SEMA3A: variants seen among roughly 807,000 people sequenced by gnomAD.
SEMA3A encodes semaphorin-3A.
In SEMA3A, 29 loss-of-function variants were observed where a neutral mutation model predicts 97.9. That is an observed-to-expected ratio of 0.30 (90% CI 0.22 to 0.40). The LOEUF is 0.40. Among genes scored for constraint, SEMA3A ranks in the 10% least tolerant of loss-of-function variants. The pLI, the probability that SEMA3A is intolerant of heterozygous loss-of-function variation, is 1.00. For synonymous variants in SEMA3A, 321 were observed against 323.7 expected (o/e 0.99, Z 0.09); for missense variants, 763 against 951.3 (o/e 0.80, Z 2.60).
At position 84,099,268 on chromosome 7, in the gene SEMA3A, C is replaced by T. The variant is rs1349890155; in HGVS notation, c.453+11202G>A. Among the ~76,000 whole-genome samples, 5 of 61,326 alleles carry T rather than the reference C, an allele frequency of 8.2e-5. 2 individuals are homozygous for T. The highest frequency in any genetic ancestry group is 2.6e-4 in the Non-Finnish European group (5 of 19,244). 40.2% of individuals were successfully genotyped at this position (61,326 alleles called of 152,430 possible). On this transcript the variant is annotated intron_variant, in intron 4 of 16. Transcript: ENST00000265362. ...TGTATTTTTAGTAGAGACGGTGTTT[C>T]ACCGTGTTAGCCAGGATGGTCTCGA...
chr7:83,996,291 A>G (rs1584523459), intron 12 of SEMA3A, among the ~76,000 whole-genome samples: 2 of 147,500 alleles, frequency 1.4e-5, no homozygotes. Context: ...GCTACCATTT[A>G]CTAGTAATCT....
chr7:84,364,494 T>C (rs1286188647), intron 2 of SEMA3A, among the ~76,000 whole-genome samples: 1 of 151,774 alleles, frequency 6.6e-6, no homozygotes, highest in Non-Finnish European at 1.5e-5. Context: ...ATTTAAAAAA[T>C]CATTTGAATT....
intron 4 of SEMA3A, among the ~76,000 whole-genome samples, chr7:84,108,646 C>T (rs1331727545): frequency 6.6e-6 from 1 of 152,158 alleles, no homozygotes; most frequent in Non-Finnish European, 1.5e-5. Flanking sequence ...TGGCTCACGC[C>T]TGTAATCCGA....
chr7:83,976,806 C>T (rs1287171550), intron 15 of SEMA3A, among the ~76,000 whole-genome samples: 1 of 151,924 alleles, frequency 6.6e-6, no homozygotes, highest in Non-Finnish European at 1.5e-5. Flanking sequence ...ATTTCCATTC[C>T]CTACTCATCT....
chr7:84,278,185 C>A (rs555652213), intron 3 of SEMA3A, among the ~76,000 whole-genome samples: 2 of 152,128 alleles, frequency 1.3e-5, no homozygotes, highest in South Asian at 2.1e-4. Flanking sequence ...GGCAGGGGTA[C>A]AATACAGCCA....
At chr7:84,018,618 A>G (rs1260996881) in intron 6 of SEMA3A, among the ~76,000 whole-genome samples, 1 of 152,224 alleles carries the variant, frequency 6.6e-6, no homozygotes, top group Non-Finnish European at 1.5e-5. Flanking sequence ...AAGATATGAC[A>G]TATACTTCAA....
chr7:84,258,190 T>C (rs929525367), intron 3 of SEMA3A, among the ~76,000 whole-genome samples: 1 of 152,152 alleles, frequency 6.6e-6, no homozygotes, highest in African/African-American at 2.4e-5. Context: ...TGACTTAGGG[T>C]GTTTCTTTTT....
chr7:84,012,611 T>C (rs1790927294), intron 7 of SEMA3A, among the ~76,000 whole-genome samples: 1 of 152,208 alleles, frequency 6.6e-6, no homozygotes, highest in Non-Finnish European at 1.5e-5. Context: ...TCAAATATTT[T>C]ATAAGCTGAA....
At chr7:84,391,983 A>C (rs2116177883) in intron 1 of SEMA3A, among the ~76,000 whole-genome samples, 1 of 152,014 alleles carries the variant, frequency 6.6e-6, no homozygotes, top group Admixed American at 6.6e-5. Context: ...TCTATTGAAA[A>C]ATTTTAGTTT....
At chr7:84,200,805 T>TA (rs1798336560) in intron 3 of SEMA3A, among the ~76,000 whole-genome samples, 2 of 151,478 alleles carry the variant, frequency 1.3e-5, no homozygotes, top group South Asian at 4.2e-4. Context: ...TTCCTTTTTT[T>TA]TTTTTTTTAA....
chr7:84,272,018 G>A (rs1800163675), intron 3 of SEMA3A, among the ~76,000 whole-genome samples: 1 of 151,922 alleles, frequency 6.6e-6, no homozygotes, highest in Non-Finnish European at 1.5e-5. Flanking sequence ...GCTCCTTATA[G>A]CAGATACTAT....
At chr7:84,447,764 C>T (rs1805456223) in intron 1 of SEMA3A, among the ~76,000 whole-genome samples, 1 of 152,208 alleles carries the variant, frequency 6.6e-6, no homozygotes, top group African/African-American at 2.4e-5. Context: ...AGGTTTGAAA[C>T]GGCTCCCCCA....
chr7:84,055,560 G>T (rs1792932215), intron 5 of SEMA3A, among the ~76,000 whole-genome samples: 1 of 152,170 alleles, frequency 6.6e-6, no homozygotes, highest in Admixed American at 6.5e-5. Flanking sequence ...GCCCTGCTTT[G>T]GCTCGTGCAC....
At chr7:84,308,858 C>T (rs1801236036) in intron 2 of SEMA3A, among the ~76,000 whole-genome samples, 1 of 146,592 alleles carries the variant, frequency 6.8e-6, no homozygotes. Context: ...ACCCTTGTCA[C>T]CCAGGCTGGA....
intron 1 of SEMA3A, among the ~76,000 whole-genome samples, chr7:84,442,595 A>C (rs574119150): frequency 6.6e-6 from 1 of 152,234 alleles, no homozygotes; most frequent in African/African-American, 2.4e-5. Context: ...AAATAGTAAA[A>C]TAGCAGAAAT....
At chr7:83,999,353 G>T (rs752020729) in intron 12 of SEMA3A, among the ~76,000 whole-genome samples, 3 of 151,858 alleles carry the variant, frequency 2.0e-5, no homozygotes, top group Non-Finnish European at 4.4e-5. Context: ...TAAAATCCCT[G>T]GAGATATAAA....
chr7:84,491,931 T>C (rs1030278129), intron 1 of SEMA3A, among the ~76,000 whole-genome samples: 3 of 152,148 alleles, frequency 2.0e-5, no homozygotes, highest in Non-Finnish European at 4.4e-5. Flanking sequence ...CCTAATACTC[T>C]TTTAGAGTTT....
intron 1 of SEMA3A, among the ~76,000 whole-genome samples, chr7:84,177,228 G>C (rs1797595672): frequency 6.6e-6 from 1 of 152,062 alleles, no homozygotes; most frequent in African/African-American, 2.4e-5. Flanking sequence ...ACTGTATGTA[G>C]CTGGTATGGC....
At chr7:84,219,602 T>G (rs1798828130) in intron 3 of SEMA3A, among the ~76,000 whole-genome samples, 2 of 152,196 alleles carry the variant, frequency 1.3e-5, no homozygotes, top group South Asian at 4.1e-4. Flanking sequence ...TGCGGTCTAT[T>G]AAGTTTGAAA....
Sources: gnomAD v4.1 joint callset for allele counts (sites outside exome capture counted in the v4.1 genomes callset) on GRCh38, gnomAD v4.1.1 for gene constraint, MANE v1.5 for transcripts, NCBI Gene and HGNC (gene_info 2026-07-23, HGNC 2026-07-21) for gene names.